Variants in TBC1D22A observed in about 807,000 individuals in gnomAD.
The protein encoded by TBC1D22A is TBC1 domain family member 22A, also known as putative GTPase activator.
In TBC1D22A, 38 loss-of-function variants were observed where a neutral mutation model predicts 60.2. The observed-to-expected ratio is 0.63, with a 90% CI of 0.49 to 0.83. The LOEUF (loss-of-function observed/expected upper bound fraction) is 0.83, where lower values mean the gene tolerates loss of function less well. Ranked by LOEUF, TBC1D22A falls within the 40% of genes least tolerant of loss-of-function variation. The pLI, the probability that TBC1D22A is intolerant of heterozygous loss-of-function variation, is 0.00. For missense variants in TBC1D22A, 628 were observed against 701.0 expected (o/e 0.90, Z 1.18); for synonymous variants, 302 against 281.7 (o/e 1.07, Z -0.72).
chr22:46,997,302 T>TGAA (rs1434056054), intron 9 of TBC1D22A, among the ~76,000 whole-genome samples: 119 of 152,382 alleles, frequency 7.8e-4, no homozygotes, highest in African/African-American at 2.8e-3. Flanking sequence ...CAGACGGTTC[T>TGAA]GGTCAATGAG....
chr22:47,003,469 A>ACACACGCACCCTACG (rs1332930016), intron 10 of TBC1D22A, among the ~76,000 whole-genome samples: 16 of 150,634 alleles, frequency 1.1e-4, no homozygotes, highest in African/African-American at 3.9e-4. Flanking sequence ...ACATGCCTGT[A>ACACACGCACCCTACG]CACACGCACC....
intron 11 of TBC1D22A, among the ~76,000 whole-genome samples, chr22:47,063,716 G>C (rs1444078060): frequency 6.6e-6 from 1 of 152,154 alleles, no homozygotes; most frequent in Admixed American, 6.5e-5. Flanking sequence ...TTCTGGAATT[G>C]GGGTGTGGGC....
chr22:46,980,628 C>T (rs1028624750), intron 9 of TBC1D22A, among the ~76,000 whole-genome samples: 2 of 134,626 alleles, frequency 1.5e-5, no homozygotes, highest in Admixed American at 8.0e-5. Flanking sequence ...CTGGGCAACA[C>T]AGAGAGATAC....
chr22:47,094,432 A>G (rs2065094551), intron 11 of TBC1D22A, among the ~76,000 whole-genome samples: 1 of 152,162 alleles, frequency 6.6e-6, no homozygotes, highest in Admixed American at 6.5e-5. Flanking sequence ...GCCTCTCCCA[A>G]GCAAGAAGGA....
chr22:46,915,870 G>A (rs750806187), intron 8 of TBC1D22A: 5 of 452,158 alleles, frequency 1.1e-5, no homozygotes, highest in Non-Finnish European at 1.8e-5. Flanking sequence ...CTCTTCGGGA[G>A]TGGCTCATCG....
intron 4 of TBC1D22A, among the ~76,000 whole-genome samples, chr22:46,804,807 A>G (rs2085058052): frequency 1.3e-5 from 2 of 152,254 alleles, no homozygotes; most frequent in Non-Finnish European, 2.9e-5. Flanking sequence ...CTGTAATATT[A>G]AAAGCAAATG....
chr22:46,841,863 C>T (rs1420790581), intron 4 of TBC1D22A, among the ~76,000 whole-genome samples: 2 of 152,224 alleles, frequency 1.3e-5, no homozygotes, highest in Non-Finnish European at 2.9e-5. Context: ...CACAAGGTAA[C>T]TGTAACATGT....
intron 8 of TBC1D22A, among the ~76,000 whole-genome samples, chr22:46,920,830 G>C (rs560357809): frequency 2.3e-4 from 34 of 150,554 alleles, no homozygotes; most frequent in African/African-American, 7.3e-4. Context: ...GAGTGCAGTC[G>C]TGCGATATCG....
intron 11 of TBC1D22A, among the ~76,000 whole-genome samples, chr22:47,081,524 TGAGGATTGACAAG>T (rs2064467388): frequency 6.6e-6 from 1 of 152,114 alleles, no homozygotes; most frequent in Non-Finnish European, 1.5e-5. Flanking sequence ...ATAAAAGACA[TGAGGATTGACAAG>T]GAAAAAGCTC....
At chr22:46,962,605 G>A (rs369867410) in intron 8 of TBC1D22A, among the ~76,000 whole-genome samples, 4 of 152,242 alleles carry the variant, frequency 2.6e-5, no homozygotes, top group South Asian at 2.1e-4. Flanking sequence ...CGATGCCAGC[G>A]TCCCACAGTA....
chr22:46,997,808 C>G (rs1250007296), intron 10 of TBC1D22A, 99 bp downstream of exon 10: 1 of 1,089,384 alleles, frequency 9.2e-7, no homozygotes, highest in Admixed American at 1.9e-5. Context: ...CGGCAGCATC[C>G]TGGCCTGCTC....
intron 11 of TBC1D22A, among the ~76,000 whole-genome samples, chr22:47,094,524 C>T (rs962651036): frequency 1.3e-5 from 2 of 152,164 alleles, no homozygotes; most frequent in Non-Finnish European, 2.9e-5. Flanking sequence ...AGATTTTGTT[C>T]TCATCAAGCC....
At chr22:46,983,480 T>C (rs951346671) in intron 9 of TBC1D22A, among the ~76,000 whole-genome samples, 5 of 152,250 alleles carry the variant, frequency 3.3e-5, no homozygotes, top group African/African-American at 1.2e-4. Context: ...CTTTCTTTCC[T>C]GATTGGGCTT....
At chr22:46,874,861 A>C (rs928020429) in intron 4 of TBC1D22A, among the ~76,000 whole-genome samples, 2 of 152,190 alleles carry the variant, frequency 1.3e-5, no homozygotes, top group Non-Finnish European at 2.9e-5. Flanking sequence ...GGCGTGAGCC[A>C]CTGCACCTGG....
At chr22:46,873,496 TTTAA>T (rs2067387834) in intron 4 of TBC1D22A, among the ~76,000 whole-genome samples, 1 of 152,194 alleles carries the variant, frequency 6.6e-6, no homozygotes, top group Non-Finnish European at 1.5e-5. Context: ...GCAGATTTAT[TTTAA>T]TTAATTAATT....
chr22:47,134,632 C>A (rs933142732), intron 12 of TBC1D22A, among the ~76,000 whole-genome samples: 1 of 152,248 alleles, frequency 6.6e-6, no homozygotes, highest in South Asian at 2.1e-4. Context: ...CTGGGAGTGT[C>A]CTGTGGGACC....
intron 12 of TBC1D22A, among the ~76,000 whole-genome samples, chr22:47,140,332 G>A (rs1297785522): frequency 6.6e-6 from 1 of 152,114 alleles, no homozygotes; most frequent in Non-Finnish European, 1.5e-5. Context: ...AGCACTTTGG[G>A]AGGCTGAGGT....
At chr22:47,115,402 A>G (rs2066003940) in intron 12 of TBC1D22A, among the ~76,000 whole-genome samples, 1 of 125,096 alleles carries the variant, frequency 8.0e-6, no homozygotes, top group Admixed American at 1.0e-4. Context: ...CTCTCCGCTG[A>G]GCCCTGCCCC....
At chr22:46,941,614 T>C (rs62654803) in intron 8 of TBC1D22A, among the ~76,000 whole-genome samples, 3,970 of 140,144 alleles carry the variant, frequency 0.028, 45 homozygotes, top group Non-Finnish European at 0.045. Context: ...ATACGCGGAA[T>C]ATATATACGG....
Sources: allele counts gnomAD v4.1 joint callset (sites outside exome capture counted in the v4.1 genomes callset), GRCh38; gene constraint gnomAD v4.1.1; transcripts MANE v1.5; gene names NCBI Gene and HGNC (gene_info 2026-07-23, HGNC 2026-07-21).